Variants in RAD52 observed in about 807,000 individuals in gnomAD.
RAD52 encodes the protein DNA repair protein RAD52 homolog.
In RAD52, 47 loss-of-function variants were observed where a neutral mutation model predicts 55.5. The ratio of observed to expected loss-of-function variants is 0.85; its 90% confidence interval spans 0.67 to 1.08. The LOEUF (loss-of-function observed/expected upper bound fraction) is 1.08, where lower values mean the gene tolerates loss of function less well. Ranked by LOEUF, RAD52 falls within the 50% of genes least tolerant of loss-of-function variation. The pLI, the probability that RAD52 is intolerant of heterozygous loss-of-function variation, is 0.00. For synonymous variants in RAD52, 184 were observed against 198.9 expected (o/e 0.92, Z 0.63); for missense variants, 468 against 522.8 (o/e 0.90, Z 1.02).
intron 3 of RAD52, among the ~76,000 whole-genome samples, chr12:930,765 G>C (rs944635263): frequency 6.6e-6 from 1 of 151,906 alleles, no homozygotes; most frequent in Non-Finnish European, 1.5e-5. Flanking sequence ...CCAGCAGTTC[G>C]AGATCAGCCT....
At chr12:922,575 C>T (rs533454565) in intron 7 of RAD52, among the ~76,000 whole-genome samples, 2 of 152,294 alleles carry the variant, frequency 1.3e-5, no homozygotes, top group East Asian at 3.9e-4. Context: ...CACACTACTA[C>T]ATGGATGAAT....
intron 7 of RAD52, among the ~76,000 whole-genome samples, chr12:920,699 T>C (rs74809499): frequency 0.069 from 10,531 of 152,208 alleles, 430 homozygotes; most frequent in African/African-American, 0.086. Context: ...ACAATAATAG[T>C]AGGAGACTTC....
At chr12:960,278 TG>T (rs1958665937) in intron 1 of RAD52, among the ~76,000 whole-genome samples, 2 of 152,116 alleles carry the variant, frequency 1.3e-5, no homozygotes, top group African/African-American at 4.8e-5. Flanking sequence ...ATAACAGATA[TG>T]GAAAATGTGT....
At chr12:928,138 T>C (rs1404260054) in intron 5 of RAD52, among the ~76,000 whole-genome samples, 1 of 152,230 alleles carries the variant, frequency 6.6e-6, no homozygotes, top group Non-Finnish European at 1.5e-5. Context: ...CATTCTCAGC[T>C]ACTCACTCAT....
At chr12:971,246 T>C (rs1362555907) in intron 1 of RAD52, among the ~76,000 whole-genome samples, 1 of 152,082 alleles carries the variant, frequency 6.6e-6, no homozygotes, top group Non-Finnish European at 1.5e-5. Context: ...TTTTGTTTCA[T>C]ATTATTATAG....
At chr12:945,297 GC>G (rs1424144554) in intron 1 of RAD52, among the ~76,000 whole-genome samples, 1 of 151,388 alleles carries the variant, frequency 6.6e-6, no homozygotes, top group Non-Finnish European at 1.5e-5. Context: ...GTTGCAGTGA[GC>G]CAAGATCGCA....
rs577074000 is a variant in RAD52, at chr12:919,302, C to T, written c.544-2482G>A. Among the ~76,000 whole-genome samples the T allele has an allele frequency of 9.0e-4, 137 of 151,978 alleles. 1 individual carries two copies. The highest frequency in any genetic ancestry group is 1.5e-3 in the Non-Finnish European group (100 of 67,970). On this transcript the variant is annotated intron_variant, in intron 7 of 11. Coordinates refer to ENST00000358495, the MANE Select transcript of RAD52 (RefSeq NM_134424.4). ...TTCTACTAAAAGTATAAAAATTAGC[C>T]GGGCATGGTGGCGGGCGCCTGTAAT... is the stretch of plus-strand genomic sequence containing the variant.
At position 972,765 on chromosome 12, in the gene RAD52, CAAAAAAA is replaced by C. The variant is rs780150903; in HGVS notation, c.-19+17037_-19+17043del. Among the ~76,000 whole-genome samples, 14 of 38,414 alleles carry C rather than the reference CAAAAAAA, an allele frequency of 3.6e-4. No individual in the cohort carries two copies. The East Asian group carries it at 5.0e-3, about 14-fold the overall frequency. 25.2% of individuals were successfully genotyped at this position (38,414 alleles called of 152,430 possible). On this transcript the variant is annotated intron_variant, in intron 1 of 11. Transcript: ENST00000430095. ...TGGGCGACAGAGCGAGACTCCGTCT[CAAAAAAA>C]AAAAAAAAAAAAAAAAGGGCCGCTC...
chr12:916,764 C>T lies in RAD52; in HGVS notation c.600G>A (p.Val200=), dbSNP rs377101953. The part of the protein sequence containing the change: ...KAKRQDLEPS[V]EEARYNSCRP... ...GGCAGCTGTTGTATCTTGCCTCCTC[C>T]ACAGACGGTTCAAGATCTTGTCTCT... Residue 200 remains valine (V), a synonymous_variant, in exon 8 of 12, where the codon GTG becomes GTA. Coordinates refer to ENST00000358495, the MANE Select transcript of RAD52 (RefSeq NM_134424.4). The T allele has an allele frequency of 6.2e-7, 1 of 1,614,180 alleles. No individual in the cohort carries two copies. The highest frequency in any genetic ancestry group is 8.5e-7 in the Non-Finnish European group (1 of 1,180,016).
chr12:914,136 G>A lies in RAD52; in HGVS notation c.968-15C>T. ...TTCAAGAGTCTCTACAGAGGTCAAGGAAAAGTGCGTCATCAGCAAATAATG... is the reference window on the plus strand; with the variant it reads ...TTCAAGAGTCTCTACAGAGGTCAAGAAAAAGTGCGTCATCAGCAAATAATG... On this transcript the variant is annotated splice_polypyrimidine_tract_variant and intron_variant, in intron 10 of 11. Coordinates refer to ENST00000358495, the MANE Select transcript of RAD52 (RefSeq NM_134424.4). 2 of 1,600,358 alleles carry A rather than the reference G, an allele frequency of 1.2e-6. No individual in the cohort carries two copies. The highest frequency in any genetic ancestry group is 2.2e-5 in the South Asian group (2 of 90,646).
At chr12:981,196 G>A (rs758502764) in intron 1 of RAD52, among the ~76,000 whole-genome samples, 5 of 151,882 alleles carry the variant, frequency 3.3e-5, no homozygotes, top group South Asian at 2.1e-4. Context: ...AGCCAGATGT[G>A]GGGGCAAGTG....
At chr12:917,607 GCACGTTGACTCATGCCTGTAAT>G (rs1322208852) in intron 7 of RAD52, among the ~76,000 whole-genome samples, 1 of 151,832 alleles carries the variant, frequency 6.6e-6, no homozygotes, top group Non-Finnish European at 1.5e-5. Flanking sequence ...CTTTGGCCAG[GCACGTTGACTCATGCCTGTAAT>G]CCCAGCACTT....
intron 1 of RAD52, among the ~76,000 whole-genome samples, chr12:937,611 A>T (rs1330027103): frequency 3.9e-5 from 6 of 152,238 alleles, no homozygotes; most frequent in African/African-American, 1.4e-4. Flanking sequence ...TTTTTAGTAG[A>T]GACGGGGTTT....
At chr12:952,116 G>A, upstream of RAD52, among the ~76,000 whole-genome samples, 1 of 152,074 alleles carries the variant, frequency 6.6e-6, no homozygotes, top group East Asian at 1.9e-4. Context: ...GAGGCTACAT[G>A]CCCAGCTAAG....
intron 1 of RAD52, among the ~76,000 whole-genome samples, chr12:982,801 G>A (rs369073390): frequency 1.3e-3 from 136 of 100,878 alleles, no homozygotes; most frequent in African/African-American, 4.7e-3. Context: ...ACCCCCGCCC[G>A]CCCCTGCCCT....
upstream of RAD52, among the ~76,000 whole-genome samples, chr12:951,791 C>T (rs1428553341): frequency 6.6e-6 from 1 of 151,882 alleles, no homozygotes; most frequent in African/African-American, 2.4e-5. Context: ...ATGATTTTAA[C>T]CTTTTTTTGT....
upstream of RAD52, among the ~76,000 whole-genome samples, chr12:951,842 C>G (rs1958533421): frequency 6.6e-6 from 1 of 152,082 alleles, no homozygotes; most frequent in African/African-American, 2.4e-5. Context: ...ATAAATTTTC[C>G]TCTAAGAACT....
intron 3 of RAD52, among the ~76,000 whole-genome samples, chr12:930,483 C>T (rs745713606): frequency 1.2e-4 from 18 of 151,958 alleles, no homozygotes; most frequent in Middle Eastern, 3.4e-3. Flanking sequence ...AGGAACTCAC[C>T]CAGCAGTTGC....
intron 1 of RAD52, among the ~76,000 whole-genome samples, chr12:960,669 T>C (rs1958670780): frequency 6.6e-6 from 1 of 152,176 alleles, no homozygotes; most frequent in South Asian, 2.1e-4. Flanking sequence ...TCTTGCTATG[T>C]TGCCCAGGCT....
Sources: gnomAD v4.1 joint callset for allele counts (sites outside exome capture counted in the v4.1 genomes callset) on GRCh38, gnomAD v4.1.1 for gene constraint, MANE v1.5 for transcripts, NCBI Gene and HGNC (gene_info 2026-07-23, HGNC 2026-07-21) for gene names.